PLXNA4: variants seen among roughly 807,000 people sequenced by gnomAD.
PLXNA4 encodes plexin A4.
In PLXNA4, 44 loss-of-function variants were observed where a neutral mutation model predicts 191.8. That is an observed-to-expected ratio of 0.23 (90% CI 0.18 to 0.29). The LOEUF (loss-of-function observed/expected upper bound fraction) is 0.29, where lower values mean the gene tolerates loss of function less well. Among genes scored for constraint, PLXNA4 ranks in the 10% least tolerant of loss-of-function variants. The pLI, the probability that PLXNA4 is intolerant of heterozygous loss-of-function variation, is 1.00. For missense variants in PLXNA4, 1,800 were observed against 2,488.8 expected (o/e 0.72, Z 5.89); for synonymous variants, 1,082 against 1,009.5 (o/e 1.07, Z -1.36).
At chr7:132,209,524 G>A (rs7781556) in intron 10 of PLXNA4, among the ~76,000 whole-genome samples, 73,184 of 151,814 alleles carry the variant, frequency 0.48, 19,193 homozygotes, top group African/African-American at 0.68. Flanking sequence ...AGAAATCTGA[G>A]AAATAGCCTG....
chr7:132,269,711 T>C (rs1799992601), intron 4 of PLXNA4, among the ~76,000 whole-genome samples: 1 of 152,156 alleles, frequency 6.6e-6, no homozygotes, highest in South Asian at 2.1e-4. Flanking sequence ...CATATCCCTC[T>C]GCAGGTTTTA....
intron 3 of PLXNA4, among the ~76,000 whole-genome samples, chr7:132,301,741 A>G (rs1801313267): frequency 1.3e-5 from 2 of 152,222 alleles, no homozygotes; most frequent in African/African-American, 4.8e-5. Context: ...GTTCTGGGAG[A>G]GAAACGTGCA....
chr7:132,373,833 C>A (rs577587534), intron 3 of PLXNA4, among the ~76,000 whole-genome samples: 1 of 152,252 alleles, frequency 6.6e-6, no homozygotes, highest in African/African-American at 2.4e-5. Context: ...TCTTACCGCC[C>A]TTATTAGGTT....
intron 3 of PLXNA4, among the ~76,000 whole-genome samples, chr7:132,487,880 C>T (rs1400658659): frequency 3.9e-5 from 6 of 152,166 alleles, no homozygotes; most frequent in African/African-American, 1.2e-4. Flanking sequence ...GATTCCATTG[C>T]GCTTACCATT....
chr7:132,621,680 A>G (rs1269060034), intron 2 of PLXNA4, among the ~76,000 whole-genome samples: 4 of 152,210 alleles, frequency 2.6e-5, no homozygotes, highest in African/African-American at 7.2e-5. Context: ...AAGGACATGA[A>G]CACTTAAAAT....
chr7:132,487,862 C>T (rs190164203), intron 3 of PLXNA4, among the ~76,000 whole-genome samples: 3 of 152,324 alleles, frequency 2.0e-5, no homozygotes, highest in Non-Finnish European at 4.4e-5. Context: ...TCTGAGGCAG[C>T]AAGGAAAGAT....
chr7:132,130,339 CAGAG>C lies in PLXNA4; in HGVS notation c.*136_*139del. The C allele has an allele frequency of 8.4e-7, 1 of 1,184,498 alleles. No homozygotes were observed. The highest frequency in any genetic ancestry group is 1.2e-6 in the Non-Finnish European group (1 of 836,658). The allele number at this position is 1,184,498 out of a possible 1,614,324, so 73.4% of individuals were successfully genotyped here. ...GGAAGGAGGGAGAAACGGAAAGAGG[CAGAG>C]AGAAAGAGAGAGAAACAGCGCTGCT... On this transcript the variant is annotated 3_prime_UTR_variant, in exon 32 of 32. Coordinates refer to ENST00000321063, the MANE Select transcript of PLXNA4 (RefSeq NM_020911.2).
intron 3 of PLXNA4, among the ~76,000 whole-genome samples, chr7:132,337,092 A>G (rs1342947185): frequency 6.6e-6 from 1 of 152,262 alleles, no homozygotes; most frequent in Non-Finnish European, 1.5e-5. Context: ...AATGTGCTGC[A>G]TAAAAGCGGT....
At chr7:132,213,451 G>A (rs1055899693) in intron 9 of PLXNA4, among the ~76,000 whole-genome samples, 1 of 152,192 alleles carries the variant, frequency 6.6e-6, no homozygotes, top group Non-Finnish European at 1.5e-5. Context: ...GAGAACAGGG[G>A]CCTTGGTCTT....
chr7:132,519,896 G>A (rs574433678), intron 1 of PLXNA4, among the ~76,000 whole-genome samples: 5 of 152,208 alleles, frequency 3.3e-5, no homozygotes, highest in South Asian at 2.1e-4. Context: ...GTAAAATGGC[G>A]TTTCTGGAAA....
chr7:132,490,426 T>C (rs1365802839), intron 2 of PLXNA4, among the ~76,000 whole-genome samples: 1 of 141,826 alleles, frequency 7.1e-6, no homozygotes, highest in African/African-American at 2.7e-5. Flanking sequence ...TTTCTTCCTT[T>C]TTTTTTTTTT....
chr7:132,467,629 G>A (rs1444881541), intron 3 of PLXNA4, among the ~76,000 whole-genome samples: 1 of 152,206 alleles, frequency 6.6e-6, no homozygotes, highest in Non-Finnish European at 1.5e-5. Flanking sequence ...CACACAGAGA[G>A]AGGGCAAAGT....
At chr7:132,511,235 T>C (rs577100824) in intron 1 of PLXNA4, among the ~76,000 whole-genome samples, 1 of 152,314 alleles carries the variant, frequency 6.6e-6, no homozygotes, top group East Asian at 1.9e-4. Flanking sequence ...TACTTTCACA[T>C]AGCTTGGCTC....
intron 4 of PLXNA4, among the ~76,000 whole-genome samples, chr7:132,274,609 G>T (rs1563006024): frequency 1.3e-5 from 2 of 151,780 alleles, no homozygotes; most frequent in Non-Finnish European, 2.9e-5. Context: ...ATCCTTCATT[G>T]TCTTTATGAC....
intron 20 of PLXNA4, among the ~76,000 whole-genome samples, chr7:132,178,713 T>TACACATAC (rs142378860): frequency 8.9e-6 from 1 of 112,100 alleles, no homozygotes; most frequent in Non-Finnish European, 1.8e-5. Flanking sequence ...CACATACACA[T>TACACATAC]ACACACACAC....
chr7:132,226,538 G>A (rs1339858344), intron 7 of PLXNA4, among the ~76,000 whole-genome samples: 1 of 152,236 alleles, frequency 6.6e-6, no homozygotes, highest in East Asian at 1.9e-4. Context: ...TTGCATGCAT[G>A]ATGTCCTGCC....
intron 3 of PLXNA4, among the ~76,000 whole-genome samples, chr7:132,460,935 T>C (rs1050940805): frequency 2.3e-4 from 35 of 151,962 alleles, no homozygotes; most frequent in Admixed American, 1.6e-3. Flanking sequence ...CAGAAAGATA[T>C]TGCAGCCCCA....
chr7:132,171,400 A>G (rs572294671), intron 21 of PLXNA4, among the ~76,000 whole-genome samples: 5 of 152,228 alleles, frequency 3.3e-5, no homozygotes, highest in African/African-American at 1.2e-4. Flanking sequence ...CGTCCTCCCC[A>G]TCTTTCACCA....
intron 4 of PLXNA4, among the ~76,000 whole-genome samples, chr7:132,254,064 T>C (rs911795993): frequency 6.6e-6 from 1 of 152,136 alleles, no homozygotes; most frequent in African/African-American, 2.4e-5. Flanking sequence ...TCAACATAAA[T>C]TGATCTCTAT....
Sources: gnomAD v4.1 joint callset for allele counts (sites outside exome capture counted in the v4.1 genomes callset) on GRCh38, gnomAD v4.1.1 for gene constraint, MANE v1.5 for transcripts, NCBI Gene and HGNC (gene_info 2026-07-23, HGNC 2026-07-21) for gene names.